The following SNX29 variants were observed in gnomAD, a reference collection of about 807,000 sequenced individuals.
SNX29 encodes the protein sorting nexin-29.
Under a neutral mutation model 102.1 loss-of-function variants are expected in SNX29, and 78 were observed. The ratio of observed to expected loss-of-function variants is 0.76; its 90% CI spans 0.64 to 0.92. The LOEUF is 0.92. SNX29 is among the 40% of genes least tolerant of loss of function. SNX29 has a pLI of 0.00. For synonymous variants in SNX29, 580 were observed against 414.5 expected (o/e 1.40, Z -4.85); for missense variants, 1,280 against 1,061.7 (o/e 1.21, Z -2.86).
rs534706039 is a variant in SNX29 at position 12,568,774 on chromosome 16, C to A, written c.*145C>A. The A allele has an allele frequency of 2.4e-6, 3 of 1,274,828 alleles. No individual in the cohort carries two copies. The highest frequency in any genetic ancestry group is 3.2e-6 in the Non-Finnish European group (3 of 945,658). The allele number at this position is 1,274,828 out of a possible 1,614,324, so 79.0% of individuals were successfully genotyped here. Reference sequence around the variant, plus strand: ...CACGATTCCCAACAGTTACACAACACCCCGATTAAACTAATCAGTCTTCGA... The same window carrying A: ...CACGATTCCCAACAGTTACACAACAACCCGATTAAACTAATCAGTCTTCGA... On this transcript the variant is annotated 3_prime_UTR_variant, in exon 21 of 21. Transcript: ENST00000566228.
chr16:12,325,962 C>T lies in SNX29; in HGVS notation c.1783-30201C>T, dbSNP rs74008976. 4.1e-3 allele frequency among the ~76,000 whole-genome samples: 621 copies of T among 151,986 alleles called. 2 individuals are homozygous for T. The highest frequency in any genetic ancestry group is 0.014 in the African/African-American group (587 of 41,506). ...GGAAGATTGCTTGAGCCCAGGAGGT[C>T]GAGGTTGCAGTGAGCTGTAATCACA... On this transcript the variant is annotated intron_variant, in intron 15 of 20. Transcript: ENST00000566228.
At chr16:12,140,720 A>G (rs1218369542) in intron 13 of SNX29, among the ~76,000 whole-genome samples, 1 of 152,042 alleles carries the variant, frequency 6.6e-6, no homozygotes. Flanking sequence ...GGTAGCCCGA[A>G]GGTCTCTGTG....
intron 20 of SNX29, among the ~76,000 whole-genome samples, chr16:12,561,938 C>G (rs574463383): frequency 2.6e-5 from 4 of 152,248 alleles, no homozygotes; most frequent in Admixed American, 6.5e-5. Flanking sequence ...GAGCTTAGAG[C>G]CAGGTGCATC....
chr16:12,261,102 A>G (rs112573390), intron 14 of SNX29, among the ~76,000 whole-genome samples: 237 of 72,238 alleles, frequency 3.3e-3, no homozygotes, highest in African/African-American at 5.1e-3. Flanking sequence ...CTGAGGTGGG[A>G]TCTGTGCATG....
chr16:12,204,259 C>G (rs766092566), intron 14 of SNX29, among the ~76,000 whole-genome samples: 1 of 152,176 alleles, frequency 6.6e-6, no homozygotes, highest in Non-Finnish European at 1.5e-5. Context: ...GGCAGTCATT[C>G]CGCCAGCCTC....
At chr16:12,106,857 C>G (rs146027752) in intron 11 of SNX29, among the ~76,000 whole-genome samples, 2,115 of 152,120 alleles carry the variant, frequency 0.014, 48 homozygotes, top group African/African-American at 0.044. Flanking sequence ...ACTCTGTCAC[C>G]CAGGCTGCAG....
intron 11 of SNX29, among the ~76,000 whole-genome samples, chr16:12,091,968 A>G (rs527348772): frequency 2.0e-5 from 3 of 152,130 alleles, no homozygotes; most frequent in Non-Finnish European, 4.4e-5. Context: ...TTCACAGTGC[A>G]CCGGGTCCAT....
chr16:12,486,092 G>A (rs1298463779), intron 19 of SNX29, among the ~76,000 whole-genome samples: 1 of 152,166 alleles, frequency 6.6e-6, no homozygotes, highest in African/African-American at 2.4e-5. Context: ...GAGACTCCAG[G>A]GGATAATCCT....
rs1011112448 is a variant in SNX29 at position 12,121,092 on chromosome 16, C to A, written c.1403-5541C>A. ...TTATCAATTCACTTACGCATCTTAC[C>A]TTTGATCATTCACCAGGTCTCACGT... On this transcript the variant is annotated intron_variant, in intron 11 of 20. Coordinates refer to ENST00000566228, the MANE Select transcript of SNX29 (RefSeq NM_032167.5). 9.8e-5 allele frequency among the ~76,000 whole-genome samples: 15 copies of A among 152,324 alleles called. No homozygotes were observed. In the East Asian group the frequency reaches 2.1e-3, roughly 22 times the overall value.
chr16:12,560,004 C>T (rs566405959), intron 20 of SNX29, among the ~76,000 whole-genome samples: 36 of 152,264 alleles, frequency 2.4e-4, no homozygotes, highest in African/African-American at 5.8e-4. Context: ...CAAGCAACTT[C>T]ACTTACATTT....
At chr16:12,199,742 C>A in intron 14 of SNX29, 59 bp downstream of exon 14, 2 of 1,398,716 alleles carry the variant, frequency 1.4e-6, no homozygotes, top group Non-Finnish European at 2.0e-6. Context: ...AACACCTGTA[C>A]GTGGCACGCA....
chr16:12,277,396 C>T (rs1395387805), intron 14 of SNX29, among the ~76,000 whole-genome samples: 1 of 151,922 alleles, frequency 6.6e-6, no homozygotes, highest in African/African-American at 2.4e-5. Context: ...ACAGAGGAGA[C>T]CCCATCTCAA....
chr16:12,139,805 A>T (rs2054802446), intron 13 of SNX29, among the ~76,000 whole-genome samples: 1 of 151,648 alleles, frequency 6.6e-6, no homozygotes, highest in Non-Finnish European at 1.5e-5. Context: ...ACACGGTGAG[A>T]CCCTGTCTAC....
chr16:12,401,952 T>G (rs1445821425), intron 17 of SNX29, among the ~76,000 whole-genome samples: 1 of 152,194 alleles, frequency 6.6e-6, no homozygotes, highest in African/African-American at 2.4e-5. Flanking sequence ...GCTCTAACCC[T>G]GGGAGGTTGT....
At chr16:12,072,776 C>T (rs1396899067) in intron 10 of SNX29, among the ~76,000 whole-genome samples, 1 of 151,966 alleles carries the variant, frequency 6.6e-6, no homozygotes, top group Admixed American at 6.6e-5. Flanking sequence ...TCGTAGAATT[C>T]GGCTGTGAAT....
At chr16:12,319,647 G>C (rs765264845) in intron 15 of SNX29, among the ~76,000 whole-genome samples, 2 of 152,094 alleles carry the variant, frequency 1.3e-5, no homozygotes, top group Non-Finnish European at 2.9e-5. Flanking sequence ...TGATGAGGAG[G>C]GCTGGTTTCA....
chr16:12,118,689 C>G (rs1278555311), intron 11 of SNX29, among the ~76,000 whole-genome samples: 1 of 152,140 alleles, frequency 6.6e-6, no homozygotes, highest in African/African-American at 2.4e-5. Context: ...AAGAGACACC[C>G]TCGACCCTCA....
At chr16:12,557,016 C>CG (rs1555458246) in intron 20 of SNX29, among the ~76,000 whole-genome samples, 194 of 11,960 alleles carry the variant, frequency 0.016, 12 homozygotes, top group Non-Finnish European at 0.031. Flanking sequence ...GGCTAATTTA[C>CG]CCCCCCCCCG....
chr16:12,295,608 C>CA (rs2079954737), intron 15 of SNX29, among the ~76,000 whole-genome samples: 1 of 152,174 alleles, frequency 6.6e-6, no homozygotes, highest in Non-Finnish European at 1.5e-5. Context: ...TTTTCAGTAC[C>CA]AAAAACTCAG....
Sources: allele counts gnomAD v4.1 joint callset (sites outside exome capture counted in the v4.1 genomes callset), GRCh38; gene constraint gnomAD v4.1.1; transcripts MANE v1.5; gene names NCBI Gene and HGNC (gene_info 2026-07-23, HGNC 2026-07-21).